Variants in GNG7 observed in about 807,000 individuals in gnomAD.
GNG7 encodes guanine nucleotide-binding protein G(I)/G(S)/G(O) subunit gamma-7.
GNG7 carries 1 observed loss-of-function variant against 4.0 expected under a neutral mutation model. The observed-to-expected ratio is 0.25, with a 90% CI of 0.09 to 1.18. The LOEUF is 1.18. Among genes scored for constraint, GNG7 ranks in the 50% most tolerant of loss-of-function variants. The pLI is 0.50. For synonymous variants in GNG7, 34 were observed against 36.9 expected (o/e 0.92, Z 0.29); for missense variants, 86 against 91.9 (o/e 0.94, Z 0.26).
At chr19:2,642,559 T>C in intron 2 of GNG7, 1 of 353,692 alleles carries the variant, frequency 2.8e-6, no homozygotes, top group South Asian at 2.1e-5. Flanking sequence ...AGAGATGGGG[T>C]TTCACCATGT....
intron 2 of GNG7, among the ~76,000 whole-genome samples, chr19:2,621,878 A>T (rs888963942): frequency 4.6e-5 from 7 of 152,086 alleles, no homozygotes; most frequent in African/African-American, 1.4e-4. Context: ...AGCTCTGCAG[A>T]CAGCTTGGTT....
chr19:2,610,034 A>C (rs1981511033), intron 2 of GNG7: 1 of 152,090 alleles, frequency 6.6e-6, no homozygotes, highest in Admixed American at 6.5e-5. Context: ...AAACTCTCAG[A>C]GGTTAGTATC....
At chr19:2,635,586 A>AT (rs35015157) in intron 2 of GNG7, among the ~76,000 whole-genome samples, 28,290 of 145,342 alleles carry the variant, frequency 0.19, 2,924 homozygotes, top group Non-Finnish European at 0.24. Flanking sequence ...ACTTGGGGTG[A>AT]TTTTTTTTTT....
chr19:2,553,959 A>G (rs931680126), intron 3 of GNG7, among the ~76,000 whole-genome samples: 1 of 136,074 alleles, frequency 7.3e-6, no homozygotes, highest in East Asian at 2.0e-4. Flanking sequence ...TGTAATATAT[A>G]TTACACATAT....
intron 3 of GNG7, among the ~76,000 whole-genome samples, chr19:2,553,716 TTACATATATG>T (rs1224380754): frequency 6.7e-6 from 1 of 148,698 alleles, no homozygotes; most frequent in Non-Finnish European, 1.5e-5. Context: ...ATATAATATA[TTACATATATG>T]TACATATTAC....
At position 2,634,907 on chromosome 19, in the gene GNG7, C is replaced by T. The variant is rs1331458891; in HGVS notation, c.-78+11317G>A. Among the ~76,000 whole-genome samples the T allele has an allele frequency of 3.9e-5, 6 of 151,994 alleles. No individual in the cohort carries two copies. Among genetic ancestry groups the T allele is most frequent in the Non-Finnish European group, 7.4e-5 (5 of 68,004 alleles). On this transcript the variant is annotated intron_variant, in intron 2 of 4. Coordinates refer to ENST00000382159, the MANE Select transcript of GNG7 (RefSeq NM_052847.3). The surrounding 1 kb of genome is among the most constrained non-coding windows in gnomAD (Gnocchi z 5.3). ...GTTACCAAAAAAAAAAAACCCTCGC[C>T]GGGAGAACAAGGAGCTACCAGAAAA...
chr19:2,612,639 G>T (rs1370191887), intron 2 of GNG7, among the ~76,000 whole-genome samples: 1 of 151,146 alleles, frequency 6.6e-6, no homozygotes, highest in African/African-American at 2.4e-5. Context: ...ATCCAGCCTG[G>T]ATTCTGTTTG....
At chr19:2,545,649 T>TAAA (rs34706450) in intron 3 of GNG7, among the ~76,000 whole-genome samples, 3 of 90,552 alleles carry the variant, frequency 3.3e-5, no homozygotes, top group Admixed American at 1.3e-4. Context: ...GAAACTGTCT[T>TAAA]AAAAAAAAAA....
chr19:2,548,716 G>T (rs1275583311), intron 3 of GNG7, among the ~76,000 whole-genome samples: 1 of 152,028 alleles, frequency 6.6e-6, no homozygotes, highest in African/African-American at 2.4e-5. Context: ...TTGAACCCAC[G>T]TGGCGGAGGT....
intron 2 of GNG7, among the ~76,000 whole-genome samples, chr19:2,562,480 C>T (rs1979773989): frequency 6.6e-6 from 1 of 152,052 alleles, no homozygotes; most frequent in African/African-American, 2.4e-5. Flanking sequence ...GATTAATACT[C>T]ATGATTTCTG....
rs575887758 is a variant in GNG7 at position 2,571,081 on chromosome 19, C to T, written c.-77-15893G>A. 2.3e-4 allele frequency among the ~76,000 whole-genome samples: 35 copies of T among 152,022 alleles called. 1 individual carries two copies. The highest frequency in any genetic ancestry group is 3.4e-3 in the Middle Eastern group (1 of 294). On this transcript the variant is annotated intron_variant, in intron 2 of 4. Transcript: ENST00000382159. ...CCTCCCAAAGTGCTGAGATGATAGG[C>T]GTGAGCCACCGTGCCCGGCGGAGTT...
At chr19:2,575,298 C>T (rs1020935779) in intron 2 of GNG7, among the ~76,000 whole-genome samples, 3 of 152,166 alleles carry the variant, frequency 2.0e-5, no homozygotes, top group Non-Finnish European at 2.9e-5. Flanking sequence ...TTGCCAGGAA[C>T]TACTGGGTTC....
chr19:2,518,103 CCA>C (rs1385614918), intron 4 of GNG7, among the ~76,000 whole-genome samples: 1 of 152,202 alleles, frequency 6.6e-6, no homozygotes, highest in Non-Finnish European at 1.5e-5. Context: ...CACCTTGGCA[CCA>C]CCCCCCATGC....
chr19:2,519,872 G>A (rs1336554474), intron 4 of GNG7, among the ~76,000 whole-genome samples: 1 of 152,106 alleles, frequency 6.6e-6, no homozygotes, highest in Admixed American at 6.6e-5. Context: ...AGCCTCAAGT[G>A]TGATCCTTGT....
intron 3 of GNG7, among the ~76,000 whole-genome samples, chr19:2,522,616 G>A (rs1978315835): frequency 1.3e-5 from 2 of 151,558 alleles, no homozygotes. Flanking sequence ...CCCGGGCGTG[G>A]TGGCGGGTGC....
At chr19:2,583,012 C>T (rs1421351341) in intron 2 of GNG7, among the ~76,000 whole-genome samples, 1 of 152,038 alleles carries the variant, frequency 6.6e-6, no homozygotes, top group African/African-American at 2.4e-5. Context: ...TGCTATGTTG[C>T]CCAGGTTGGT....
At chr19:2,664,952 C>T (rs1003737440) in intron 1 of GNG7, among the ~76,000 whole-genome samples, 2 of 152,066 alleles carry the variant, frequency 1.3e-5, no homozygotes, top group Non-Finnish European at 2.9e-5. Flanking sequence ...CCTCAGTTGA[C>T]ACCCCCTGAA....
chr19:2,612,788 G>A (rs1981611820), intron 2 of GNG7, among the ~76,000 whole-genome samples: 1 of 145,098 alleles, frequency 6.9e-6, no homozygotes, highest in African/African-American at 2.6e-5. Flanking sequence ...CCACCTCCCA[G>A]TTCAAGCAAT....
intron 2 of GNG7, among the ~76,000 whole-genome samples, chr19:2,593,326 T>C (rs1448144595): frequency 6.6e-6 from 1 of 152,234 alleles, no homozygotes; most frequent in Non-Finnish European, 1.5e-5. Context: ...CTTGGAATGT[T>C]TGTCTTTATT....
Sources: allele counts gnomAD v4.1 joint callset (sites outside exome capture counted in the v4.1 genomes callset), GRCh38; gene constraint gnomAD v4.1.1; non-coding constraint Gnocchi (gnomAD v3.1); transcripts MANE v1.5; gene names NCBI Gene and HGNC (gene_info 2026-07-23, HGNC 2026-07-21).